The following SLC35D4 variants were observed in gnomAD, a reference collection of about 807,000 sequenced individuals.
SLC35D4 encodes the protein solute carrier family 35 member D4, also known as UDP-N-acetylglucosamine transporter SLC35D4.
At chr18:23,391,795 C>G in the SLC35D4 span, among the ~76,000 whole-genome samples, 142 of 152,102 alleles carry the variant, frequency 9.3e-4, no homozygotes, top group Admixed American at 1.6e-3. Context: ...ACTTTCATAA[C>G]TTTTTTATTT....
At chr18:23,347,036 G>A in the SLC35D4 span, among the ~76,000 whole-genome samples, 4 of 152,092 alleles carry the variant, frequency 2.6e-5, no homozygotes, top group Non-Finnish European at 5.9e-5. Flanking sequence ...AATAACTTGG[G>A]AGTTATTCCC....
the SLC35D4 span, among the ~76,000 whole-genome samples, chr18:23,334,522 T>C: frequency 8.5e-5 from 13 of 152,240 alleles, no homozygotes; most frequent in Non-Finnish European, 1.9e-4. Flanking sequence ...TTAAAAACTT[T>C]TCTTGTTGCA....
At chr18:23,373,285 A>T in the SLC35D4 span, among the ~76,000 whole-genome samples, 2 of 152,250 alleles carry the variant, frequency 1.3e-5, no homozygotes, top group East Asian at 3.8e-4. Context: ...ACTCCACTCC[A>T]GCCTGGGCAA....
At chr18:23,240,922 C>G in the SLC35D4 span, among the ~76,000 whole-genome samples, 1 of 152,226 alleles carries the variant, frequency 6.6e-6, no homozygotes, top group South Asian at 2.1e-4. Flanking sequence ...GAGTAATTTA[C>G]AGACAATCAG....
At chr18:23,340,847 G>GCGC in the SLC35D4 span, among the ~76,000 whole-genome samples, 1 of 152,152 alleles carries the variant, frequency 6.6e-6, no homozygotes, top group African/African-American at 2.4e-5. Flanking sequence ...CCTTGCTCTT[G>GCGC]CGCCACATAA....
At chr18:23,256,650 TTTG>T in the SLC35D4 span, among the ~76,000 whole-genome samples, 10 of 152,016 alleles carry the variant, frequency 6.6e-5, no homozygotes, top group African/African-American at 2.2e-4. Flanking sequence ...CCGGCTCATT[TTTG>T]TTATTTTTAG....
At chr18:23,373,319 C>A in the SLC35D4 span, among the ~76,000 whole-genome samples, 8 of 152,022 alleles carry the variant, frequency 5.3e-5, no homozygotes, top group Non-Finnish European at 1.0e-4. Flanking sequence ...TGTCTCAAAA[C>A]AAAACAAAAA....
At chr18:23,420,745 C>G in the SLC35D4 span, among the ~76,000 whole-genome samples, 1 of 152,020 alleles carries the variant, frequency 6.6e-6, no homozygotes, top group African/African-American at 2.4e-5. Flanking sequence ...TCATCATATC[C>G]TATGATCTAA....
the SLC35D4 span, among the ~76,000 whole-genome samples, chr18:23,242,984 G>T: frequency 1.3e-5 from 2 of 151,590 alleles, no homozygotes; most frequent in Non-Finnish European, 2.9e-5. Flanking sequence ...ATTAGATTCT[G>T]CCTGTCCCCC....
At chr18:23,288,664 C>G in the SLC35D4 span, among the ~76,000 whole-genome samples, 1 of 152,298 alleles carries the variant, frequency 6.6e-6, no homozygotes, top group Admixed American at 6.5e-5. Context: ...AGAGGCCTTT[C>G]CCACAGGGTC....
the SLC35D4 span, among the ~76,000 whole-genome samples, chr18:23,419,025 A>G: frequency 1.3e-5 from 2 of 150,780 alleles, no homozygotes; most frequent in African/African-American, 4.9e-5. Flanking sequence ...AAAAAAAAGA[A>G]AAAAAAAATT....
the SLC35D4 span, among the ~76,000 whole-genome samples, chr18:23,382,824 C>G: frequency 8.3e-4 from 127 of 152,368 alleles, no homozygotes; most frequent in Admixed American, 2.2e-3. Flanking sequence ...TGACAACTGT[C>G]TAAGCCCAGG....
the SLC35D4 span, among the ~76,000 whole-genome samples, chr18:23,388,653 G>A: frequency 2.6e-5 from 4 of 152,198 alleles, no homozygotes; most frequent in African/African-American, 9.7e-5. Context: ...TGCTGATATG[G>A]TTTGGCTCTG....
At chr18:23,407,636 A>G in the SLC35D4 span, among the ~76,000 whole-genome samples, 3 of 152,068 alleles carry the variant, frequency 2.0e-5, no homozygotes, top group Non-Finnish European at 4.4e-5. Context: ...AAATTATCCA[A>G]CTTTCCTAAT....
At chr18:23,352,179 C>A in the SLC35D4 span, 1 of 1,585,736 alleles carries the variant, frequency 6.3e-7, no homozygotes, top group South Asian at 1.2e-5. Context: ...GAATTTCCCA[C>A]CCCTCTTGTC....
At chr18:23,423,267 C>A in the SLC35D4 span, among the ~76,000 whole-genome samples, 3 of 152,208 alleles carry the variant, frequency 2.0e-5, no homozygotes, top group Non-Finnish European at 4.4e-5. Flanking sequence ...CCTATAACAC[C>A]CAGTTTGCAC....
At chr18:23,342,562 T>C in the SLC35D4 span, among the ~76,000 whole-genome samples, 7 of 152,194 alleles carry the variant, frequency 4.6e-5, no homozygotes, top group African/African-American at 1.7e-4. Context: ...TTTGTGGCCA[T>C]ATACTTTCAT....
At chr18:23,355,104 G>T in the SLC35D4 span, among the ~76,000 whole-genome samples, 1 of 152,268 alleles carries the variant, frequency 6.6e-6, no homozygotes, top group Admixed American at 6.5e-5. Context: ...ATGAAACAGG[G>T]AAAACCAATG....
chr18:23,297,937 G>A, the SLC35D4 span: 1 of 1,568,508 alleles, frequency 6.4e-7, no homozygotes, highest in Non-Finnish European at 8.7e-7. Context: ...TATGAGACCA[G>A]GGGCTCGTAC....
Sources: gnomAD v4.1 joint callset for allele counts (sites outside exome capture counted in the v4.1 genomes callset) on GRCh38, gnomAD v4.1.1 for gene constraint, MANE v1.5 for transcripts, NCBI Gene and HGNC (gene_info 2026-07-23, HGNC 2026-07-21) for gene names.